SPATA31C2: variants seen among roughly 807,000 people sequenced by gnomAD.
SPATA31C2 encodes the protein SPATA31 subfamily C member 2, also known as spermatogenesis-associated protein 31C2.
In SPATA31C2, 5 loss-of-function variants were observed where a neutral mutation model predicts 11.4. The observed-to-expected ratio is 0.44, with a 90% CI of 0.23 to 0.92. SPATA31C2 has a LOEUF of 0.92. SPATA31C2 is among the 40% of genes least tolerant of loss of function. SPATA31C2 has a pLI of 0.24. For missense variants in SPATA31C2, 1,353 were observed against 1,368.6 expected (o/e 0.99, Z 0.18); for synonymous variants, 515 against 538.7 (o/e 0.96, Z 0.61).
intron 1 of SPATA31C2, among the ~76,000 whole-genome samples, chr9:88,136,302 A>T (rs373929647): frequency 3.1e-3 from 431 of 139,696 alleles, no homozygotes; most frequent in South Asian, 0.024. Flanking sequence ...GATAAAAGTT[A>T]TTTTATTTTC....
chr9:88,130,870 G>A lies in SPATA31C2; in HGVS notation c.2167C>T (p.Pro723Ser). The A allele has an allele frequency of 1.9e-6, 3 of 1,613,768 alleles. No homozygotes were observed. Among genetic ancestry groups the A allele is most frequent in the Non-Finnish European group, 2.5e-6 (3 of 1,179,882 alleles). ...AGCCTCTCTGGCATGTGAACAGATG[G>A]TTTGGTCAGCACCTGCTTTCTCAGA... ...ASLRKQVLTK[P>S]SVHMPERLQA... is the part of the protein sequence containing the mutation. The change falls in exon 4 of 4, where the codon CCA becomes TCA. Residue 723 changes from proline to serine, a missense_variant. This residue lies in a region of SPATA31C2 where 1,075 missense variants were observed against 992.8 expected (regional missense o/e 1.08). Transcript: ENST00000324915.
chr9:88,132,234 G>A lies in SPATA31C2; in HGVS notation c.803C>T (p.Ala268Val). The A allele has an allele frequency of 1.9e-6, 3 of 1,610,788 alleles. No homozygotes were observed. In the East Asian group the frequency reaches 6.7e-5, roughly 36 times the overall value. ...AAGGCCTGAGATGCCTGGGACAGAA[G>A]CCGCCAAATCCTCACGTGGAGACAA... is the stretch of plus-strand genomic sequence containing the variant. ...QSLSPREDLA[A>V]SVPGISGLGG... is the part of the protein sequence containing the mutation. The change falls in exon 4 of 4, where the codon GCT becomes GTT. Residue 268 changes from alanine to valine, a missense_variant. Around this residue, in one of 6 missense-constraint regions of SPATA31C2, gnomAD observed 1,075 missense variants for 992.8 expected, o/e 1.08. Transcript: ENST00000324915.
chr9:88,131,399 C>T lies in SPATA31C2; in HGVS notation c.1638G>A (p.Glu546=). Residue 546 remains glutamate (E), a synonymous_variant, in exon 4 of 4, where the codon GAG becomes GAA. Coordinates refer to ENST00000324915, the MANE Select transcript of SPATA31C2 (RefSeq NM_001350978.3). The part of the protein sequence containing the change: ...PGKVLGATSE[E]SERNLRKPLR... ...AGGGCTTCCTCAGGTTCCTTTCCGA[C>T]TCCTCAGAGGTCGCCCCCAGAACCT... 6.2e-7 allele frequency: 1 copy of T among 1,612,016 alleles called. No individual in the cohort carries two copies. Among genetic ancestry groups the T allele is most frequent in the Non-Finnish European group, 8.5e-7 (1 of 1,179,868 alleles).
At chr9:88,135,892 T>C (rs1181790011) in intron 1 of SPATA31C2, among the ~76,000 whole-genome samples, 483 of 143,576 alleles carry the variant, frequency 3.4e-3, no homozygotes, top group African/African-American at 0.012. Flanking sequence ...TATGTACTTA[T>C]GTAATTTTAT....
chr9:88,133,473 G>A, intron 2 of SPATA31C2, 121 bp downstream of exon 2: 1 of 1,356,894 alleles, frequency 7.4e-7, no homozygotes, highest in Non-Finnish European at 1.0e-6. Flanking sequence ...AAGGACCCAG[G>A]GTTCTGATTT....
In SPATA31C2 at chr9:88,130,447, C is replaced by T; in HGVS notation, c.2590G>A (p.Ala864Thr). The T allele has an allele frequency of 6.2e-7, 1 of 1,613,314 alleles. No individual in the cohort carries two copies. Among genetic ancestry groups the T allele is most frequent in the Admixed American group, 1.7e-5 (1 of 59,962 alleles). The part of the protein sequence containing the change: ...EAVSEFEPGK[A>T]TKSETQPQVS... ...TGAGGCTGGGTCTCTGACTTCGTGG[C>T]CTTTCCAGGCTCAAATTCACTAACA... is the stretch of plus-strand genomic sequence containing the variant. Residue 864 changes from alanine to threonine, a missense_variant, in exon 4 of 4, where the codon GCC (alanine) becomes ACC (threonine). Physicochemically the swap from Ala to Thr is moderately conservative, Grantham distance 58 (BLOSUM62 0). This residue lies in a region of SPATA31C2 where 1,075 missense variants were observed against 992.8 expected (regional missense o/e 1.08). Coordinates refer to ENST00000324915, the MANE Select transcript of SPATA31C2 (RefSeq NM_001350978.3).
At chr9:88,132,806 C>A in intron 3 of SPATA31C2, 96 bp from the exon 4 acceptor site, 1 of 1,271,826 alleles carries the variant, frequency 7.9e-7, no homozygotes, top group African/African-American at 2.0e-5. Flanking sequence ...CACGCCACAC[C>A]CTGACCACCC....
In SPATA31C2 at chr9:88,132,349, A is replaced by C. The variant is rs1825613812; in HGVS notation, c.688T>G (p.Phe230Val). 3 of 1,611,032 alleles carry C rather than the reference A, an allele frequency of 1.9e-6. No individual in the cohort carries two copies. The highest frequency in any genetic ancestry group is 1.7e-6 in the Non-Finnish European group (2 of 1,177,980). Residue 230 changes from phenylalanine (F) to valine (V), a missense_variant, in exon 4 of 4, where the codon TTC (phenylalanine) becomes GTC (valine). Physicochemically the swap from Phe to Val is conservative, Grantham distance 50. This residue lies in a region of SPATA31C2 where 1,075 missense variants were observed against 992.8 expected (regional missense o/e 1.08). Transcript: ENST00000324915. ...GAGTCCCGCAGGGGAGGAGGAGTGA[A>C]GCCTTTCGGAGGAGGCGGAGAGCAG... is the stretch of plus-strand genomic sequence containing the variant. ...LACSPPPPKG[F>V]TPPPLRDSTL...
intron 1 of SPATA31C2, among the ~76,000 whole-genome samples, chr9:88,134,521 G>T (rs1310350593): frequency 1.3e-5 from 2 of 149,040 alleles, no homozygotes; most frequent in African/African-American, 4.9e-5. Context: ...GAGCCCACGG[G>T]TTTGATTTTG....
Position 88,132,250 on chromosome 9 carries a change from G to C in SPATA31C2, c.787C>G (p.Arg263Gly). The stretch of plus-strand genomic sequence containing the variant: ...GGGACAGAAGCCGCCAAATCCTCAC[G>C]TGGAGACAAGCTTTGAGGGACGGTG... ...LDTVPQSLSP[R>G]EDLAASVPGI... is the part of the protein sequence containing the mutation. The change falls in exon 4 of 4, where the codon CGT (arginine) becomes GGT (glycine). Residue 263 changes from arginine (R) to glycine (G), a missense_variant. Coordinates refer to ENST00000324915, the MANE Select transcript of SPATA31C2 (RefSeq NM_001350978.3). The C allele has an allele frequency of 1.9e-6, 3 of 1,610,780 alleles. No individual in the cohort carries two copies. The highest frequency in any genetic ancestry group is 2.5e-6 in the Non-Finnish European group (3 of 1,177,696).
chr9:88,131,746 G>A lies in SPATA31C2; in HGVS notation c.1291C>T (p.Pro431Ser), dbSNP rs767989530. Reference sequence around the variant, plus strand: ...AGAATGGATGTCAGTCTTTCCTGGGGAAGGTTAGGAGTGGAGACACTAAAG... The same window carrying A: ...AGAATGGATGTCAGTCTTTCCTGGGAAAGGTTAGGAGTGGAGACACTAAAG... ...DVFSVSTPNL[P>S]QERLTSILPE... The change falls in exon 4 of 4, where the codon CCC (proline) becomes TCC (serine). Residue 431 changes from proline (P) to serine (S), a missense_variant. By Grantham distance (74) the Pro-to-Ser change is moderately conservative. Coordinates refer to ENST00000324915, the MANE Select transcript of SPATA31C2 (RefSeq NM_001350978.3). The A allele has an allele frequency of 1.2e-5, 20 of 1,611,788 alleles. No individual in the cohort carries two copies. The South Asian group carries it at 1.8e-4, about 14-fold the overall frequency.
intron 1 of SPATA31C2, 30 bp from the exon 2 acceptor site, chr9:88,133,699 G>A (rs755712699): frequency 1.1e-5 from 18 of 1,602,330 alleles, no homozygotes; most frequent in Non-Finnish European, 1.4e-5. Context: ...GAGGAGCTAG[G>A]ACCGGCTCTC....
rs1460749380 is a variant in SPATA31C2, at chr9:88,131,367, C to T, written c.1670G>A (p.Ser557Asn). ...TCTTAATAAATCACTTCCTGAGTCA[C>T]TCCTCAAGGGCTTCCTCAGGTTCCT... The part of the protein sequence containing the change: ...SERNLRKPLR[S>N]DSGSDLLRRT... Residue 557 changes from serine (S) to asparagine (N), a missense_variant, in exon 4 of 4, where the codon AGT becomes AAT. Ser to Asn is a conservative substitution (Grantham distance 46, BLOSUM62 1). Around this residue, in one of 6 missense-constraint regions of SPATA31C2, gnomAD observed 1,075 missense variants for 992.8 expected, o/e 1.08. Coordinates refer to ENST00000324915, the MANE Select transcript of SPATA31C2 (RefSeq NM_001350978.3). The T allele has an allele frequency of 6.2e-6, 10 of 1,611,874 alleles. No homozygotes were observed. Among genetic ancestry groups the T allele is most frequent in the Non-Finnish European group, 8.5e-6 (10 of 1,179,878 alleles).
chr9:88,138,052 G>A (rs1268858752), intron 1 of SPATA31C2, among the ~76,000 whole-genome samples: 3 of 89,278 alleles, frequency 3.4e-5, no homozygotes, highest in Non-Finnish European at 3.8e-5. Context: ...CCCCACAGAT[G>A]GACTGAGAGC....
rs751959282 is a variant in SPATA31C2 at position 88,130,545 on chromosome 9, G to T, written c.2492C>A (p.Ala831Asp). 6.2e-7 allele frequency: 1 copy of T among 1,613,206 alleles called. No individual in the cohort carries two copies. The highest frequency in any genetic ancestry group is 8.5e-7 in the Non-Finnish European group (1 of 1,179,542). Residue 831 changes from alanine to aspartate, a missense_variant, in exon 4 of 4, where the codon GCC becomes GAC. Ala to Asp is a moderately radical substitution (Grantham distance 126). Around this residue, in one of 6 missense-constraint regions of SPATA31C2, gnomAD observed 1,075 missense variants for 992.8 expected, o/e 1.08. Transcript: ENST00000324915. ...TCTAGGGAGTAGAGAGCTTTTGCTG[G>T]CGCCTGGAGCCTTGAAACCACGCAC... Reference protein sequence around the residue: ...EDVRGFKAPGASKSSLLPRMS... With the variant: ...EDVRGFKAPGDSKSSLLPRMS...
chr9:88,131,195 C>T lies in SPATA31C2; in HGVS notation c.1842G>A (p.Val614=), dbSNP rs778778553. 6.2e-7 allele frequency: 1 copy of T among 1,611,796 alleles called. No homozygotes were observed. Among genetic ancestry groups the T allele is most frequent in the Non-Finnish European group, 8.5e-7 (1 of 1,179,868 alleles). ...TCGGGGCTGCTAGATTGCTGGTTTT[C>T]ACGTGGGTGTTGGAGACGGGAAAAG... ...NQAFPVSNTH[V]KTSNLAAPKS... Residue 614 remains valine (V), a synonymous_variant, in exon 4 of 4, where the codon GTG becomes GTA. Coordinates refer to ENST00000324915, the MANE Select transcript of SPATA31C2 (RefSeq NM_001350978.3).
intron 2 of SPATA31C2, 21 bp downstream of exon 2, chr9:88,133,573 T>G: frequency 6.2e-7 from 1 of 1,603,098 alleles, no homozygotes; most frequent in Non-Finnish European, 8.5e-7. Flanking sequence ...TTAACTCTAG[T>G]GTGCCCTGGC....
At position 88,132,237 on chromosome 9, in the gene SPATA31C2, G is replaced by T; in HGVS notation, c.800C>A (p.Ala267Glu). Residue 267 changes from alanine (A) to glutamate (E), a missense_variant, in exon 4 of 4, where the codon GCG becomes GAG. Ala to Glu is a moderately radical substitution (Grantham distance 107). This residue lies in a region of SPATA31C2 where 1,075 missense variants were observed against 992.8 expected (regional missense o/e 1.08). Coordinates refer to ENST00000324915, the MANE Select transcript of SPATA31C2 (RefSeq NM_001350978.3). ...PQSLSPREDL[A>E]ASVPGISGLG... ...GCCTGAGATGCCTGGGACAGAAGCC[G>T]CCAAATCCTCACGTGGAGACAAGCT... is the stretch of plus-strand genomic sequence containing the variant. 1 of 1,610,738 alleles carries T rather than the reference G, an allele frequency of 6.2e-7. No homozygotes were observed. The highest frequency in any genetic ancestry group is 8.5e-7 in the Non-Finnish European group (1 of 1,177,688).
At chr9:88,135,842 A>G (rs1480181437) in intron 1 of SPATA31C2, among the ~76,000 whole-genome samples, 3 of 143,966 alleles carry the variant, frequency 2.1e-5, no homozygotes, top group African/African-American at 7.9e-5. Flanking sequence ...AATCAAAGGG[A>G]CCTACCCACA....
Sources: gnomAD v4.1 joint callset for allele counts (sites outside exome capture counted in the v4.1 genomes callset) on GRCh38, gnomAD v4.1.1 for gene constraint, gnomAD v4.1.1 regional missense constraint, MANE v1.5 for transcripts, NCBI Gene and HGNC (gene_info 2026-07-23, HGNC 2026-07-21) for gene names.